Variants in ZNF761 observed in about 807,000 individuals in gnomAD.
ZNF761 encodes zinc finger protein 761.
Under a neutral mutation model 59.9 loss-of-function variants are expected in ZNF761, and 43 were observed. The observed-to-expected ratio is 0.72, with a 90% CI of 0.56 to 0.92. The LOEUF (loss-of-function observed/expected upper bound fraction) is 0.92. ZNF761 is among the 40% of genes least tolerant of loss of function. ZNF761 has a pLI of 0.00. For missense variants in ZNF761, 850 were observed against 906.1 expected (o/e 0.94, Z 0.79); for synonymous variants, 294 against 304.8 (o/e 0.96, Z 0.37).
In ZNF761 at chr19:53,447,237, G is replaced by A. The variant is rs375486631; in HGVS notation, c.-32G>A. ...CTCTTGGTACGTGAGGAAGAAACCC[G>A]GAAGAGGAAGAGGAGAGCAAAGGAG... is the stretch of plus-strand genomic sequence containing the variant. On this transcript the variant is annotated 5_prime_UTR_variant, in exon 3 of 5. Coordinates refer to ENST00000684525, the MANE Select transcript of ZNF761 (RefSeq NM_001289951.2). The A allele has an allele frequency of 2.3e-5, 37 of 1,610,620 alleles. No homozygotes were observed. The highest frequency in any genetic ancestry group is 3.3e-5 in the South Asian group (3 of 90,898).
chr19:53,452,017 C>T (rs1600097212), intron 4 of ZNF761, among the ~76,000 whole-genome samples: 1 of 152,182 alleles, frequency 6.6e-6, no homozygotes, highest in East Asian at 1.9e-4. Flanking sequence ...ATGAGATGCT[C>T]CTGTTCCTGT....
rs756442381 is a variant in ZNF761, at chr19:53,447,292, A to G, written c.15+9A>G. ...GGATGGCTTTTTCTCAGGTGAGATG[A>G]TATTTTCAGTGGATTGTTCTGTCTC... On this transcript the variant is annotated intron_variant, in intron 3 of 4. Coordinates refer to ENST00000684525, the MANE Select transcript of ZNF761 (RefSeq NM_001289951.2). 9 of 1,613,106 alleles carry G rather than the reference A, an allele frequency of 5.6e-6. No individual in the cohort carries two copies. Among genetic ancestry groups the G allele is most frequent in the Admixed American group, 3.3e-5 (2 of 59,938 alleles).
rs201248389 is a variant in ZNF761, at chr19:53,455,751, G to A, written c.1244G>A (p.Cys415Tyr). Residue 415 changes from cysteine to tyrosine, a missense_variant, in exon 5 of 5, where the codon TGT becomes TAT. Coordinates refer to ENST00000684525, the MANE Select transcript of ZNF761 (RefSeq NM_001289951.2). The stretch of plus-strand genomic sequence containing the variant: ...GAGAAACCTTACAAATGTGAAGAAT[G>A]TGACAAAGCTTACAGTTTCAGATCA... ...TGEKPYKCEE[C>Y]DKAYSFRSNF... 131 of 1,613,948 alleles carry A rather than the reference G, an allele frequency of 8.1e-5. No homozygotes were observed. Among genetic ancestry groups the A allele is most frequent in the Non-Finnish European group, 1.1e-4 (124 of 1,180,022 alleles).
chr19:53,444,662 C>G (rs1385789322), intron 1 of ZNF761: 1 of 152,232 alleles, frequency 6.6e-6, no homozygotes, highest in African/African-American at 2.4e-5. Flanking sequence ...GCCCAGTGTT[C>G]TTTCTCTATA....
intron 1 of ZNF761, among the ~76,000 whole-genome samples, chr19:53,445,846 C>T (rs1185046308): frequency 6.6e-6 from 1 of 152,162 alleles, no homozygotes; most frequent in Non-Finnish European, 1.5e-5. Flanking sequence ...CCACCAGCTT[C>T]CCGTGTTCCC....
chr19:53,452,998 G>A (rs986918855), intron 4 of ZNF761, among the ~76,000 whole-genome samples: 1 of 152,134 alleles, frequency 6.6e-6, no homozygotes, highest in Non-Finnish European at 1.5e-5. Context: ...TTTTCCCAGT[G>A]CACATTCTGT....
rs1568816021 is a variant in ZNF761, at chr19:53,455,175, C to T, written c.668C>T (p.Ala223Val). Reference sequence around the variant, plus strand: ...TTCCAATGTAATGAGAGTGGCAAAGCCTTTAATTACAGCTCACTCTTAAGG... The same window carrying T: ...TTCCAATGTAATGAGAGTGGCAAAGTCTTTAATTACAGCTCACTCTTAAGG... ...KSFQCNESGKAFNYSSLLRKH... is the reference protein window; with the variant it reads ...KSFQCNESGKVFNYSSLLRKH... The change falls in exon 5 of 5, where the codon GCC (alanine) becomes GTC (valine). Residue 223 changes from alanine (A) to valine (V), a missense_variant. By Grantham distance (64) the Ala-to-Val change is moderately conservative (BLOSUM62 0). Transcript: ENST00000684525. 2 of 1,614,142 alleles carry T rather than the reference C, an allele frequency of 1.2e-6. No individual in the cohort carries two copies. Among genetic ancestry groups the T allele is most frequent in the Non-Finnish European group, 1.7e-6 (2 of 1,180,028 alleles).
chr19:53,445,772 C>G (rs912158818), intron 1 of ZNF761, among the ~76,000 whole-genome samples: 38 of 152,280 alleles, frequency 2.5e-4, no homozygotes, highest in African/African-American at 9.1e-4. Context: ...CGAGGCCTTT[C>G]TCTGTATGAG....
At chr19:53,449,733 G>T (rs2086199833) in intron 4 of ZNF761, 95 bp downstream of exon 4, 1 of 1,583,110 alleles carries the variant, frequency 6.3e-7, no homozygotes, top group South Asian at 1.2e-5. Context: ...CTGTCACCCA[G>T]GGTAGAGTGC....
rs1007681934 is a variant in ZNF761, at chr19:53,457,126, G to A, written c.*378G>A. On this transcript the variant is annotated 3_prime_UTR_variant, in exon 5 of 5. Coordinates refer to ENST00000684525, the MANE Select transcript of ZNF761 (RefSeq NM_001289951.2). The stretch of plus-strand genomic sequence containing the variant: ...AGTAGGCAGTCAACACTTGTTTACC[G>A]TCAGGCAATCCATGGTGTAGGGAAA... The A allele has an allele frequency of 6.9e-5, 37 of 533,070 alleles. No homozygotes were observed. The highest frequency in any genetic ancestry group is 1.7e-4 in the Admixed American group (7 of 41,842). The allele number at this position is 533,070 out of a possible 1,614,324, so 33.0% of individuals were successfully genotyped here.
intron 1 of ZNF761, among the ~76,000 whole-genome samples, chr19:53,440,722 A>G (rs1426360557): frequency 2.0e-5 from 3 of 152,130 alleles, no homozygotes; most frequent in Admixed American, 6.5e-5. Flanking sequence ...TCTATCGCCC[A>G]GGATGGAGTG....
chr19:53,447,060 G>C (rs1568808433), intron 2 of ZNF761, 136 bp from the exon 3 acceptor site: 1 of 503,892 alleles, frequency 2.0e-6, no homozygotes. Context: ...TCCTGTGGCA[G>C]TTTATCATCC....
intron 4 of ZNF761, among the ~76,000 whole-genome samples, chr19:53,450,530 A>G (rs1005193056): frequency 9.2e-5 from 14 of 151,694 alleles, no homozygotes; most frequent in Non-Finnish European, 1.6e-4. Flanking sequence ...TTTGTTCTTC[A>G]TTTCTCATTT....
chr19:53,436,219 G>T (rs1355354144), intron 1 of ZNF761, among the ~76,000 whole-genome samples: 1 of 152,150 alleles, frequency 6.6e-6, no homozygotes, highest in Non-Finnish European at 1.5e-5. Flanking sequence ...ACAGTACAGG[G>T]CCCATCCTAT....
chr19:53,444,675 TTGTCTC>T (rs1321504629), intron 1 of ZNF761: 3 of 152,198 alleles, frequency 2.0e-5, no homozygotes, highest in Non-Finnish European at 2.9e-5. Flanking sequence ...TCTCTATACT[TTGTCTC>T]TGTGTCTTAT....
chr19:53,432,385 C>T (rs1012752695), intron 1 of ZNF761, among the ~76,000 whole-genome samples: 1 of 152,152 alleles, frequency 6.6e-6, no homozygotes, highest in Admixed American at 6.5e-5. Flanking sequence ...CTGCCCCAGT[C>T]CCGGAAAGGC....
chr19:53,454,424 C>T (rs1156635189), intron 4 of ZNF761, among the ~76,000 whole-genome samples: 2 of 152,150 alleles, frequency 1.3e-5, no homozygotes, highest in African/African-American at 4.8e-5. Flanking sequence ...TGTGCCCTGT[C>T]AATGTTTTGT....
chr19:53,441,176 G>A (rs1165530222), intron 1 of ZNF761, among the ~76,000 whole-genome samples: 2 of 152,134 alleles, frequency 1.3e-5, no homozygotes, highest in African/African-American at 2.4e-5. Context: ...TAGCTACTGG[G>A]GAGGCTGAGG....
chr19:53,443,633 C>T (rs1374134746), intron 1 of ZNF761: 3 of 152,116 alleles, frequency 2.0e-5, no homozygotes, highest in Non-Finnish European at 4.4e-5. Context: ...TCATGGGGAA[C>T]ATATTCTTCT....
Sources: allele counts gnomAD v4.1 joint callset (sites outside exome capture counted in the v4.1 genomes callset), GRCh38; gene constraint gnomAD v4.1.1; transcripts MANE v1.5; gene names NCBI Gene and HGNC (gene_info 2026-07-23, HGNC 2026-07-21).